The following ABCA13 variants were observed in gnomAD, a reference collection of about 807,000 sequenced individuals.
ABCA13 encodes the protein ATP binding cassette subfamily A member 13, also known as ATP-binding cassette sub-family A member 13.
In ABCA13, 476 loss-of-function variants were observed where a neutral mutation model predicts 478.7. That is an observed-to-expected ratio of 0.99 (90% CI 0.92 to 1.07). ABCA13 has a LOEUF of 1.07. Ranked by LOEUF, ABCA13 falls within the 50% of genes least tolerant of loss-of-function variation. The probability of loss-of-function intolerance (pLI) is 0.00; values close to 1 mark genes in which losing one functional copy is unlikely to be tolerated. For missense variants in ABCA13, 6,060 were observed against 5,910.6 expected (o/e 1.03, Z -0.83); for synonymous variants, 2,252 against 2,158.9 (o/e 1.04, Z -1.20).
intron 58 of ABCA13, among the ~76,000 whole-genome samples, chr7:48,608,593 C>A (rs531328524): frequency 1.3e-5 from 2 of 152,348 alleles, no homozygotes; most frequent in South Asian, 2.1e-4. Flanking sequence ...TCAACAGTGT[C>A]ACTGGACCTG....
intron 51 of ABCA13, 34 bp downstream of exon 51, chr7:48,511,233 G>A (rs764182958): frequency 1.3e-6 from 2 of 1,554,738 alleles, no homozygotes; most frequent in Admixed American, 3.6e-5. Context: ...CAGAATTACG[G>A]TTTGTTTTCT....
chr7:48,286,008 G>A (rs1191269494), intron 19 of ABCA13, among the ~76,000 whole-genome samples: 1 of 152,164 alleles, frequency 6.6e-6, no homozygotes, highest in Admixed American at 6.5e-5. Context: ...CATTTTATGT[G>A]GTTGAAAACT....
intron 45 of ABCA13, among the ~76,000 whole-genome samples, chr7:48,471,827 G>T (rs1244520500): frequency 6.6e-6 from 1 of 152,082 alleles, no homozygotes; most frequent in African/African-American, 2.4e-5. Flanking sequence ...TTCTGCCTTT[G>T]GTCTTTAACA....
chr7:48,461,552 T>C (rs928059040), intron 43 of ABCA13, among the ~76,000 whole-genome samples: 1 of 152,100 alleles, frequency 6.6e-6, no homozygotes, highest in Non-Finnish European at 1.5e-5. Flanking sequence ...CAGCACTGAG[T>C]AGGCATTTTT....
At position 48,297,213 on chromosome 7, in the gene ABCA13, T is replaced by C. The variant is rs764534408; in HGVS notation, c.9120-19T>C. On this transcript the variant is annotated intron_variant, in intron 21 of 61. Transcript: ENST00000435803. ...TGTTTTAGCTTGCCTAATTTAGCTT[T>C]AATTTTCTGCCATTTTAGGTTGGCC... 5 of 1,584,402 alleles carry C rather than the reference T, an allele frequency of 3.2e-6. No homozygotes were observed. The highest frequency in any genetic ancestry group is 4.3e-6 in the Non-Finnish European group (5 of 1,163,102).
chr7:48,375,240 C>T (rs556274194), intron 34 of ABCA13, among the ~76,000 whole-genome samples: 79 of 152,308 alleles, frequency 5.2e-4, no homozygotes, highest in African/African-American at 1.8e-3. Context: ...TTGTCTTCCA[C>T]GAAACTGGTC....
chr7:48,580,872 G>A (rs1354286943), intron 56 of ABCA13, among the ~76,000 whole-genome samples: 2 of 152,120 alleles, frequency 1.3e-5, no homozygotes, highest in Non-Finnish European at 2.9e-5. Flanking sequence ...CTTTCTGGGT[G>A]GTCTTAGGGG....
At chr7:48,209,347 C>T (rs1186369898) in intron 3 of ABCA13, among the ~76,000 whole-genome samples, 2 of 151,756 alleles carry the variant, frequency 1.3e-5, no homozygotes, top group Non-Finnish European at 2.9e-5. Flanking sequence ...GTGTATATGT[C>T]TGGTTTTGGT....
At chr7:48,425,756 T>TA (rs141602828) in intron 41 of ABCA13, among the ~76,000 whole-genome samples, 23,949 of 123,642 alleles carry the variant, frequency 0.19, 2,333 homozygotes, top group East Asian at 0.28. Context: ...TTTATTTATT[T>TA]TTTCGAGATG....
chr7:48,456,053 T>C (rs1036858715), intron 43 of ABCA13, among the ~76,000 whole-genome samples: 1 of 152,214 alleles, frequency 6.6e-6, no homozygotes, highest in Non-Finnish European at 1.5e-5. Context: ...CATCATTACA[T>C]TGAACATGCA....
intron 49 of ABCA13, among the ~76,000 whole-genome samples, chr7:48,506,931 G>A (rs145729560): frequency 2.0e-5 from 3 of 152,122 alleles, no homozygotes; most frequent in Non-Finnish European, 2.9e-5. Context: ...TTATATGGTC[G>A]ACAAACTTTT....
rs1808839747 is a variant in ABCA13 at position 48,350,725 on chromosome 7, C to G, written c.10287C>G (p.Ser3429=). The change falls in exon 30 of 62, where the codon TCC becomes TCG. Residue 3429 remains serine, a synonymous_variant. Transcript: ENST00000435803. ...FLGSILVNLS[S]CVALNRFQAL... is the part of the protein sequence containing the mutation. Reference sequence around the variant, plus strand: ...GCAGCATCTTGGTCAATCTCTCTTCCTGCGTGGCACTGAACCGTTTCCAGG... The same window carrying G: ...GCAGCATCTTGGTCAATCTCTCTTCGTGCGTGGCACTGAACCGTTTCCAGG... 6.2e-7 allele frequency: 1 copy of G among 1,613,948 alleles called. No individual in the cohort carries two copies.
intron 1 of ABCA13, among the ~76,000 whole-genome samples, chr7:48,173,003 G>C (rs987251872): frequency 6.6e-6 from 1 of 151,924 alleles, no homozygotes; most frequent in African/African-American, 2.4e-5. Flanking sequence ...GTGGAAGTTG[G>C]TTCCCAGGCA....
intron 23 of ABCA13, among the ~76,000 whole-genome samples, chr7:48,302,197 G>A (rs1800243155): frequency 6.6e-6 from 1 of 152,142 alleles, no homozygotes. Context: ...ATAGTTCTAA[G>A]AAAATTACTG....
chr7:48,631,217 C>T (rs988210616), intron 59 of ABCA13, among the ~76,000 whole-genome samples: 1 of 152,044 alleles, frequency 6.6e-6, no homozygotes, highest in South Asian at 2.1e-4. Context: ...AGGACTTAGT[C>T]ATAAATTCTT....
chr7:48,348,618 T>C (rs17630419), intron 29 of ABCA13, among the ~76,000 whole-genome samples: 5,761 of 151,986 alleles, frequency 0.038, 129 homozygotes, highest in South Asian at 0.058. Flanking sequence ...TTCTATGAGA[T>C]GTGTGTGTGA....
At chr7:48,501,319 A>G (rs1830721426) in intron 48 of ABCA13, among the ~76,000 whole-genome samples, 1 of 152,184 alleles carries the variant, frequency 6.6e-6, no homozygotes, top group South Asian at 2.1e-4. Flanking sequence ...GAGTAAAAAC[A>G]TGGGAATGTT....
chr7:48,398,424 T>C (rs1817149531), intron 38 of ABCA13, among the ~76,000 whole-genome samples: 1 of 152,178 alleles, frequency 6.6e-6, no homozygotes, highest in African/African-American at 2.4e-5. Context: ...GATGGTAGTC[T>C]TCAATTAGAG....
At position 48,427,583 on chromosome 7, in the gene ABCA13, C is replaced by T. The variant is rs1821602906; in HGVS notation, c.12460-183C>T. Among the ~76,000 whole-genome samples the T allele has an allele frequency of 2.6e-5, 4 of 152,152 alleles. No individual in the cohort carries two copies. In the South Asian group the frequency reaches 6.2e-4, roughly 24 times the overall value. On this transcript the variant is annotated intron_variant, in intron 41 of 61. Coordinates refer to ENST00000435803, the MANE Select transcript of ABCA13 (RefSeq NM_152701.5). ...ATTCATCTTTGCATCCTATGGGTAG[C>T]CTGTTTTGCTGAGACCTAGGTAGTC...
Sources: gnomAD v4.1 joint callset for allele counts (sites outside exome capture counted in the v4.1 genomes callset) on GRCh38, gnomAD v4.1.1 for gene constraint, MANE v1.5 for transcripts, NCBI Gene and HGNC (gene_info 2026-07-23, HGNC 2026-07-21) for gene names.